The following LIMA1 variants were observed in gnomAD, a reference collection of about 807,000 sequenced individuals.
The protein encoded by LIMA1 is LIM domain and actin-binding protein 1.
LIMA1 carries 52 observed loss-of-function variants against 62.6 expected under a neutral mutation model. That is an observed-to-expected ratio of 0.83 (90% CI 0.67 to 1.05). The LOEUF (loss-of-function observed/expected upper bound fraction) is 1.05, where lower values mean the gene tolerates loss of function less well. Among genes scored for constraint, LIMA1 ranks in the 50% least tolerant of loss-of-function variants. The probability of loss-of-function intolerance (pLI) is 0.00; values close to 1 mark genes in which losing one functional copy is unlikely to be tolerated. For missense variants in LIMA1, 780 were observed against 902.2 expected, an observed-to-expected ratio of 0.86 and a Z score of 1.74; for synonymous variants, 302 against 317.8, an observed-to-expected ratio of 0.95 and a Z score of 0.53.
intron 2 of LIMA1, among the ~76,000 whole-genome samples, chr12:50,238,310 C>T (rs1266481851): frequency 6.6e-6 from 1 of 151,986 alleles, no homozygotes; most frequent in Non-Finnish European, 1.5e-5. Flanking sequence ...AGTTCAAGAC[C>T]AGCCTGGCCA....
chr12:50,183,068 G>A (rs997792983), intron 9 of LIMA1, among the ~76,000 whole-genome samples: 1 of 152,076 alleles, frequency 6.6e-6, no homozygotes, highest in Non-Finnish European at 1.5e-5. Flanking sequence ...CAGGCGTAGT[G>A]GTACACTCGT....
chr12:50,281,991 A>G (rs1942344844), intron 1 of LIMA1, among the ~76,000 whole-genome samples: 1 of 152,222 alleles, frequency 6.6e-6, no homozygotes, highest in Admixed American at 6.5e-5. Flanking sequence ...AGTAGGACTG[A>G]CATGAAAGGC....
At chr12:50,269,682 G>A (rs1470311467) in intron 1 of LIMA1, among the ~76,000 whole-genome samples, 2 of 152,038 alleles carry the variant, frequency 1.3e-5, no homozygotes, top group African/African-American at 4.8e-5. Context: ...CACTTTGGGA[G>A]GCCGAGGCGG....
intron 1 of LIMA1, among the ~76,000 whole-genome samples, chr12:50,280,225 G>A (rs1467757902): frequency 1.6e-5 from 2 of 124,168 alleles, no homozygotes; most frequent in African/African-American, 6.1e-5. Context: ...CGCGATCTCC[G>A]CTCACTGCAA....
At chr12:50,256,048 C>T (rs1345659816) in intron 1 of LIMA1, among the ~76,000 whole-genome samples, 1 of 151,940 alleles carries the variant, frequency 6.6e-6, no homozygotes, top group Non-Finnish European at 1.5e-5. Flanking sequence ...TGCCACCACA[C>T]TCGGCTAATT....
intron 9 of LIMA1, among the ~76,000 whole-genome samples, chr12:50,182,469 G>A (rs1160086511): frequency 6.6e-6 from 1 of 152,184 alleles, no homozygotes; most frequent in African/African-American, 2.4e-5. Context: ...TAAATTTCAA[G>A]GAGAGGAAGA....
At chr12:50,183,514 T>TA (rs1007011752) in intron 9 of LIMA1, among the ~76,000 whole-genome samples, 6 of 151,268 alleles carry the variant, frequency 4.0e-5, no homozygotes, top group Non-Finnish European at 7.4e-5. Context: ...GAATTTTGAG[T>TA]AAAAAAAATC....
intron 2 of LIMA1, among the ~76,000 whole-genome samples, chr12:50,244,094 T>G (rs1277992147): frequency 6.6e-6 from 1 of 151,368 alleles, no homozygotes; most frequent in Non-Finnish European, 1.5e-5. Context: ...TTTTTGTATT[T>G]TTTTGTATTA....
At chr12:50,239,996 AATAACATAAC>A (rs373467242) in intron 2 of LIMA1, among the ~76,000 whole-genome samples, 2,287 of 128,668 alleles carry the variant, frequency 0.018, 29 homozygotes, top group Middle Eastern at 0.039. Context: ...TCTATCTCAA[AATAACATAAC>A]ATAACATAAC....
chr12:50,251,240 T>C (rs1941925900), intron 1 of LIMA1, among the ~76,000 whole-genome samples: 1 of 152,192 alleles, frequency 6.6e-6, no homozygotes, highest in African/African-American at 2.4e-5. Flanking sequence ...TTGGTAGAAA[T>C]ATACTACCAA....
chr12:50,271,887 C>T (rs367782219), intron 1 of LIMA1, among the ~76,000 whole-genome samples: 22 of 152,234 alleles, frequency 1.4e-4, no homozygotes, highest in Non-Finnish European at 2.4e-4. Flanking sequence ...GAAAATCTGC[C>T]GAGAAACTAC....
At chr12:50,270,045 A>T (rs1282694339) in intron 1 of LIMA1, among the ~76,000 whole-genome samples, 3 of 146,858 alleles carry the variant, frequency 2.0e-5, no homozygotes, top group African/African-American at 7.6e-5. Flanking sequence ...GACCAGCCTG[A>T]CCAACGTGGA....
chr12:50,234,631 A>G, intron 2 of LIMA1, among the ~76,000 whole-genome samples: 1 of 151,930 alleles, frequency 6.6e-6, no homozygotes, highest in Admixed American at 6.6e-5. Flanking sequence ...ACTCAGCCCC[A>G]CCCCTAGAAA....
At chr12:50,245,564 T>C (rs959684962) in intron 2 of LIMA1, among the ~76,000 whole-genome samples, 1 of 151,660 alleles carries the variant, frequency 6.6e-6, no homozygotes, top group African/African-American at 2.4e-5. Context: ...TGTGTTAGAA[T>C]CTTGTTGGGT....
chr12:50,270,701 ATATCT>A (rs1555211581), intron 1 of LIMA1, among the ~76,000 whole-genome samples: 2 of 151,960 alleles, frequency 1.3e-5, no homozygotes, highest in Non-Finnish European at 1.5e-5. Context: ...ATTTGTGTGA[ATATCT>A]TATCTTCTTG....
intron 1 of LIMA1, among the ~76,000 whole-genome samples, chr12:50,263,829 A>AGG (rs1488595167): frequency 8.5e-6 from 1 of 118,258 alleles, no homozygotes; most frequent in African/African-American, 3.4e-5. Context: ...ATATATATAG[A>AGG]GAGAGTATAT....
intron 2 of LIMA1, among the ~76,000 whole-genome samples, chr12:50,241,821 A>G (rs1226866971): frequency 6.6e-6 from 1 of 152,054 alleles, no homozygotes; most frequent in Non-Finnish European, 1.5e-5. Flanking sequence ...TTCTGACACA[A>G]AATGTGAAGG....
intron 1 of LIMA1, among the ~76,000 whole-genome samples, chr12:50,277,410 A>C (rs1410297681): frequency 6.6e-6 from 1 of 152,136 alleles, no homozygotes; most frequent in Non-Finnish European, 1.5e-5. Flanking sequence ...ATTAGGTGAA[A>C]GGTTAGAGAT....
chr12:50,259,428 C>T (rs568870714), intron 1 of LIMA1, among the ~76,000 whole-genome samples: 28 of 152,206 alleles, frequency 1.8e-4, no homozygotes, highest in African/African-American at 6.7e-4. Context: ...TCTATAAATA[C>T]GCCTTCCATA....
Sources: gnomAD v4.1 joint callset for allele counts (sites outside exome capture counted in the v4.1 genomes callset) on GRCh38, gnomAD v4.1.1 for gene constraint, MANE v1.5 for transcripts, NCBI Gene and HGNC (gene_info 2026-07-23, HGNC 2026-07-21) for gene names.